Variants in NCK1 observed in about 807,000 individuals in gnomAD.
The protein encoded by NCK1 is NCK adaptor protein 1.
In NCK1, 19 loss-of-function variants were observed where a neutral mutation model predicts 36.6. That is an observed-to-expected ratio of 0.52 (90% CI 0.36 to 0.76). The LOEUF is 0.76. NCK1 is among the 30% of genes least tolerant of loss of function. The pLI is 0.00. For synonymous variants in NCK1, 165 were observed against 156.0 expected, an observed-to-expected ratio of 1.06 and a Z score of -0.43; for missense variants, 358 against 445.6, an observed-to-expected ratio of 0.80 and a Z score of 1.77.
chr3:136,943,306 A>G (rs1940724908), intron 2 of NCK1, among the ~76,000 whole-genome samples: 1 of 152,208 alleles, frequency 6.6e-6, no homozygotes, highest in Non-Finnish European at 1.5e-5. Flanking sequence ...TCTGAAGGCT[A>G]TCATTAACCG....
chr3:136,904,206 G>A (rs1321376718), intron 1 of NCK1, among the ~76,000 whole-genome samples: 3 of 151,974 alleles, frequency 2.0e-5, no homozygotes, highest in Admixed American at 6.6e-5. Context: ...AGGCTGGAGT[G>A]CAGTGGTGCA....
chr3:136,945,733 C>A lies in NCK1; in HGVS notation c.377C>A (p.Ser126Ter), dbSNP rs531554309. 6.2e-7 allele frequency: 1 copy of A among 1,614,106 alleles called. No homozygotes were observed. Among genetic ancestry groups the A allele is most frequent in the Non-Finnish European group, 8.5e-7 (1 of 1,180,016 alleles). Residue 126 changes from serine (S) to a stop codon, truncating the protein, a stop_gained, in exon 3 of 4, where the codon TCA becomes TAA. Coordinates refer to ENST00000481752, the MANE Select transcript of NCK1 (RefSeq NM_001291999.2). LOFTEE classifies it high-confidence loss of function. ...ATGGCTGAGAGAGAGGATGAATTAT[C>A]ATTGATAAAGGGGACAAAGGTGATC... Reference protein sequence around the residue: ...NYMAEREDELSLIKGTKVIVM... With the variant: ...NYMAEREDEL
At chr3:136,893,176 G>GTA (rs1373873225) in intron 1 of NCK1, among the ~76,000 whole-genome samples, 2 of 22,838 alleles carry the variant, frequency 8.8e-5, no homozygotes, top group African/African-American at 1.3e-4. Flanking sequence ...GTGTGTGTGT[G>GTA]TGTATATATA....
At chr3:136,873,076 C>T (rs545260647) in intron 1 of NCK1, among the ~76,000 whole-genome samples, 2 of 152,288 alleles carry the variant, frequency 1.3e-5, no homozygotes, top group East Asian at 3.9e-4. Context: ...AAGAGGGCCA[C>T]CATCCTCCAG....
At chr3:136,942,137 C>T (rs996491365) in intron 2 of NCK1, among the ~76,000 whole-genome samples, 6 of 152,186 alleles carry the variant, frequency 3.9e-5, no homozygotes, top group Non-Finnish European at 8.8e-5. Flanking sequence ...TGTGCCCAGC[C>T]TCTCTTTAGC....
At chr3:136,948,090 G>A (rs1309235989) in intron 3 of NCK1, among the ~76,000 whole-genome samples, 169 bp from the exon 4 acceptor site, 1 of 152,120 alleles carries the variant, frequency 6.6e-6, no homozygotes, top group East Asian at 1.9e-4. Context: ...GTTTTCACAT[G>A]TGTAAAAAGG....
chr3:136,920,707 C>T (rs543205316), intron 1 of NCK1, among the ~76,000 whole-genome samples: 5 of 152,200 alleles, frequency 3.3e-5, no homozygotes, highest in African/African-American at 9.6e-5. Flanking sequence ...TATGTGACTA[C>T]AAACGTAAGA....
rs145198756 is a variant in NCK1, at chr3:136,897,053, A to G, written c.-18-30931A>G. 9.0e-3 allele frequency among the ~76,000 whole-genome samples: 1,367 copies of G among 151,922 alleles called. 14 individuals are homozygous for G. The highest frequency in any genetic ancestry group is 0.015 in the Non-Finnish European group (1,003 of 67,916). ...CTGTATAAGAGTTCCCTTTTTTTCT[A>G]CATCCTTACCAGTGTCTTTTTTTCT... On this transcript the variant is annotated intron_variant, in intron 1 of 3. Transcript: ENST00000481752.
At chr3:136,877,452 T>C (rs1202236911) in intron 1 of NCK1, among the ~76,000 whole-genome samples, 2 of 152,144 alleles carry the variant, frequency 1.3e-5, no homozygotes, top group Non-Finnish European at 2.9e-5. Context: ...ATAGTATAAC[T>C]TAAAGGATGT....
At chr3:136,884,210 C>A (rs963431458) in intron 1 of NCK1, among the ~76,000 whole-genome samples, 1 of 152,010 alleles carries the variant, frequency 6.6e-6, no homozygotes, top group South Asian at 2.1e-4. Context: ...AAGCAGGTGG[C>A]GTGGAGGGAG....
intron 1 of NCK1, among the ~76,000 whole-genome samples, chr3:136,873,817 G>A (rs987059902): frequency 1.3e-5 from 2 of 152,124 alleles, no homozygotes; most frequent in Non-Finnish European, 2.9e-5. Flanking sequence ...CTTGTCTGCC[G>A]CCACGTGAGA....
intron 1 of NCK1, among the ~76,000 whole-genome samples, chr3:136,916,972 G>A (rs1188277112): frequency 6.6e-6 from 1 of 152,154 alleles, no homozygotes; most frequent in Admixed American, 6.6e-5. Flanking sequence ...TTTGCTTATA[G>A]GGGCAGCCAA....
intron 2 of NCK1, among the ~76,000 whole-genome samples, chr3:136,937,977 G>T (rs907231092): frequency 1.3e-5 from 2 of 152,060 alleles, no homozygotes; most frequent in Non-Finnish European, 2.9e-5. Flanking sequence ...TTCTTGTCTT[G>T]TTCCTGTTCT....
rs1281181469 is a variant in NCK1, at chr3:136,948,848, AT to A, written c.*397del. The A allele has an allele frequency of 6.5e-6, 1 of 153,078 alleles. No homozygotes were observed. The highest frequency in any genetic ancestry group is 2.4e-5 in the African/African-American group (1 of 41,436). 9.5% of individuals were successfully genotyped at this position (153,078 alleles called of 1,614,324 possible). A position where few individuals can be genotyped will look rare whatever the true frequency, so the allele number is the denominator to read the frequency against. On this transcript the variant is annotated 3_prime_UTR_variant, in exon 4 of 4. Transcript: ENST00000481752. ...TTATGGTTTTTCATTATATAAAATT[AT>A]TATATCTATATATGACATATGCTAA...
chr3:136,868,332 G>GT (rs879506154), intron 1 of NCK1, among the ~76,000 whole-genome samples: 99 of 149,540 alleles, frequency 6.6e-4, no homozygotes, highest in African/African-American at 1.8e-3. Context: ...TTACCATTGA[G>GT]TTTTTTTTTT....
At chr3:136,923,000 T>C (rs1359560027) in intron 1 of NCK1, among the ~76,000 whole-genome samples, 2 of 152,118 alleles carry the variant, frequency 1.3e-5, no homozygotes, top group African/African-American at 2.4e-5. Context: ...AAGTAGTAGA[T>C]GTATTAGTAA....
intron 1 of NCK1, among the ~76,000 whole-genome samples, chr3:136,875,461 T>C (rs938328258): frequency 1.3e-5 from 2 of 152,100 alleles, no homozygotes; most frequent in Admixed American, 6.6e-5. Flanking sequence ...GTGCCAGTTT[T>C]CAAAGGGAAA....
intron 1 of NCK1, among the ~76,000 whole-genome samples, chr3:136,915,503 AG>A (rs1431508794): frequency 6.6e-6 from 1 of 152,232 alleles, no homozygotes; most frequent in African/African-American, 2.4e-5. Flanking sequence ...CTGTAACTCC[AG>A]TAGGTCTTAT....
chr3:136,908,510 T>C (rs759668460), intron 1 of NCK1, among the ~76,000 whole-genome samples: 1 of 152,170 alleles, frequency 6.6e-6, no homozygotes, highest in African/African-American at 2.4e-5. Context: ...TCTGAATTCA[T>C]GTCCTTATAA....
Sources: allele counts gnomAD v4.1 joint callset (sites outside exome capture counted in the v4.1 genomes callset), GRCh38; gene constraint gnomAD v4.1.1; transcripts MANE v1.5; gene names NCBI Gene and HGNC (gene_info 2026-07-23, HGNC 2026-07-21).